Variants in ADGB observed in about 807,000 individuals in gnomAD.
ADGB encodes the protein calpain-7-like protein.
Under a neutral mutation model 210.5 loss-of-function variants are expected in ADGB, and 172 were observed. That is an observed-to-expected ratio of 0.82 (90% CI 0.72 to 0.93). The LOEUF is 0.93. Ranked by LOEUF, ADGB falls within the 40% of genes least tolerant of loss-of-function variation. The probability of loss-of-function intolerance (pLI) is 0.00; values close to 1 mark genes in which losing one functional copy is unlikely to be tolerated. For missense variants in ADGB, 2,025 were observed against 1,964.8 expected (o/e 1.03, Z -0.58); for synonymous variants, 658 against 662.7 (o/e 0.99, Z 0.11).
chr6:146,710,029 C>T (rs1292915329), intron 13 of ADGB, among the ~76,000 whole-genome samples: 1 of 151,628 alleles, frequency 6.6e-6, no homozygotes, highest in Non-Finnish European at 1.5e-5. Flanking sequence ...TTTGTATAAA[C>T]AATTTTTTTA....
chr6:146,787,105 T>G (rs1777884691), intron 32 of ADGB, among the ~76,000 whole-genome samples: 1 of 152,178 alleles, frequency 6.6e-6, no homozygotes, highest in African/African-American at 2.4e-5. Flanking sequence ...GCAGGATTTT[T>G]TGCTAAAACT....
At chr6:146,748,752 A>C (rs2114608056) in intron 26 of ADGB, among the ~76,000 whole-genome samples, 1 of 152,080 alleles carries the variant, frequency 6.6e-6, no homozygotes, top group African/African-American at 2.4e-5. Flanking sequence ...ATTATTTTTT[A>C]AATTTTTTGT....
At chr6:146,763,612 A>C (rs879404338) in intron 27 of ADGB, among the ~76,000 whole-genome samples, 1 of 152,122 alleles carries the variant, frequency 6.6e-6, no homozygotes, top group Non-Finnish European at 1.5e-5. Context: ...GTCTGGCGTT[A>C]GCTTAGGGTC....
intron 29 of ADGB, 44 bp downstream of exon 29, chr6:146,769,175 A>G (rs905128354): frequency 1.1e-6 from 1 of 927,022 alleles, no homozygotes; most frequent in African/African-American, 1.7e-5. Context: ...ACATTTGAAT[A>G]AGTTGATATT....
At chr6:146,764,122 A>C (rs1311134354) in intron 28 of ADGB, 22 bp downstream of exon 28, 1 of 1,507,278 alleles carries the variant, frequency 6.6e-7, no homozygotes, top group African/African-American at 1.4e-5. Flanking sequence ...ACAATTGTTC[A>C]ATTGGACTGT....
intron 13 of ADGB, among the ~76,000 whole-genome samples, chr6:146,706,393 G>A (rs1447761874): frequency 6.6e-6 from 1 of 151,748 alleles, no homozygotes; most frequent in Non-Finnish European, 1.5e-5. Flanking sequence ...TCGAGTAGTT[G>A]GGGCTACAAG....
chr6:146,615,033 T>A (rs1445884030), intron 1 of ADGB, among the ~76,000 whole-genome samples: 4 of 151,924 alleles, frequency 2.6e-5, no homozygotes, highest in Non-Finnish European at 5.9e-5. Flanking sequence ...CCCGAGTAGC[T>A]GGGACTACAG....
chr6:146,672,501 T>A, intron 8 of ADGB, 34 bp downstream of exon 8: 1 of 1,494,770 alleles, frequency 6.7e-7, no homozygotes, highest in Non-Finnish European at 8.9e-7. Flanking sequence ...TGATTCAGTA[T>A]GGACATTGCA....
intron 3 of ADGB, among the ~76,000 whole-genome samples, chr6:146,648,101 G>T (rs1167654451): frequency 6.7e-6 from 1 of 149,876 alleles, no homozygotes; most frequent in African/African-American, 2.4e-5. Context: ...TTTTATTTTA[G>T]GCCAAACATT....
rs779518761 is a variant in ADGB at position 146,707,475 on chromosome 6, T to A, written c.1707+6405T>A. 2.0e-5 allele frequency among the ~76,000 whole-genome samples: 3 copies of A among 152,248 alleles called. No homozygotes were observed. The South Asian group carries it at 6.2e-4, about 32-fold the overall frequency. On this transcript the variant is annotated intron_variant, in intron 13 of 35. Transcript: ENST00000397944. ...TATTGTATTGCAGTCTCTCTCCCCC[T>A]TTAGATCTATTAATATTGCTTTATA...
rs376109879 is a variant in ADGB at position 146,656,969 on chromosome 6, C to G, written c.601C>G (p.Leu201Val). ...TAGCTATGGAAAGTATGTTGTGAAA[C>G]TTTACTGGATGGTAAGTCCATTTTC... ...FNSYGKYVVK[L>V]YWMGCWRKIT... The change falls in exon 5 of 36, where the codon CTT becomes GTT. Residue 201 changes from leucine to valine, a missense_variant. Transcript: ENST00000397944. The G allele has an allele frequency of 5.1e-5, 79 of 1,550,448 alleles. No individual in the cohort carries two copies. The highest frequency in any genetic ancestry group is 1.7e-4 in the Middle Eastern group (1 of 6,008).
At chr6:146,760,283 A>G (rs540269718) in intron 27 of ADGB, among the ~76,000 whole-genome samples, 1 of 151,936 alleles carries the variant, frequency 6.6e-6, no homozygotes, top group Non-Finnish European at 1.5e-5. Flanking sequence ...CAAAGAGGCA[A>G]TCACTGTTCA....
At chr6:146,610,131 T>G (rs1780685939) in intron 1 of ADGB, among the ~76,000 whole-genome samples, 1 of 152,230 alleles carries the variant, frequency 6.6e-6, no homozygotes, top group Non-Finnish European at 1.5e-5. Context: ...TCTATTCTGC[T>G]GTTAATATTA....
chr6:146,631,562 A>C (rs1048772153), intron 1 of ADGB, among the ~76,000 whole-genome samples: 2 of 152,176 alleles, frequency 1.3e-5, no homozygotes, highest in Non-Finnish European at 2.9e-5. Context: ...AGAAATGTAA[A>C]TTACAGGCAT....
intron 32 of ADGB, among the ~76,000 whole-genome samples, chr6:146,786,837 G>A (rs1777881992): frequency 6.6e-6 from 1 of 152,036 alleles, no homozygotes; most frequent in African/African-American, 2.4e-5. Flanking sequence ...TAATGTATGT[G>A]TATAAAATAT....
chr6:146,726,430 G>A (rs2114577903), intron 19 of ADGB, among the ~76,000 whole-genome samples: 1 of 152,044 alleles, frequency 6.6e-6, no homozygotes, highest in South Asian at 2.1e-4. Context: ...TCACTATGTT[G>A]GCCAGGCTAG....
At chr6:146,633,355 A>G (rs368876281) in intron 1 of ADGB, among the ~76,000 whole-genome samples, 4 of 152,174 alleles carry the variant, frequency 2.6e-5, no homozygotes, top group Non-Finnish European at 1.5e-5. Flanking sequence ...AGCAAGAATT[A>G]TCATCAAATT....
chr6:146,685,747 A>G lies in ADGB; in HGVS notation c.1230A>G (p.Ile410Met), dbSNP rs1385041586. Residue 410 changes from isoleucine (I) to methionine (M), a missense_variant, in exon 10 of 36, where the codon ATA (isoleucine) becomes ATG (methionine). Coordinates refer to ENST00000397944, the MANE Select transcript of ADGB (RefSeq NM_024694.4). ...TTTGTTTTACAGGTTCTTCTGCAAT[A>G]CAGACCTCTCATATGGTCGTATATG... The part of the protein sequence containing the change: ...VQSLSDCSSA[I>M]QTSHMVVYAT... The G allele has an allele frequency of 2.0e-6, 3 of 1,530,326 alleles. No individual in the cohort carries two copies. Among genetic ancestry groups the G allele is most frequent in the Non-Finnish European group, 2.6e-6 (3 of 1,138,548 alleles). 94.8% of individuals were successfully genotyped at this position (1,530,326 alleles called of 1,614,324 possible). A position where few individuals can be genotyped will look rare whatever the true frequency, so the allele number is the denominator to read the frequency against.
intron 2 of ADGB, among the ~76,000 whole-genome samples, chr6:146,641,425 G>A (rs1043274866): frequency 6.6e-6 from 1 of 150,550 alleles, no homozygotes; most frequent in Non-Finnish European, 1.5e-5. Context: ...AACCAAAAAA[G>A]AACCTGAATA....
Sources: allele counts gnomAD v4.1 joint callset (sites outside exome capture counted in the v4.1 genomes callset), GRCh38; gene constraint gnomAD v4.1.1; transcripts MANE v1.5; gene names NCBI Gene and HGNC (gene_info 2026-07-23, HGNC 2026-07-21).